The following PRKG1 variants were observed in gnomAD, a reference collection of about 807,000 sequenced individuals.
The protein encoded by PRKG1 is cGMP-dependent protein kinase 1.
In PRKG1, 35 loss-of-function variants were observed where a neutral mutation model predicts 88.1. The ratio of observed to expected loss-of-function variants is 0.40; its 90% CI spans 0.30 to 0.53. The LOEUF (loss-of-function observed/expected upper bound fraction) is 0.53, where lower values mean the gene tolerates loss of function less well. Ranked by LOEUF, PRKG1 falls within the 20% of genes least tolerant of loss-of-function variation. The pLI, the probability that PRKG1 is intolerant of heterozygous loss-of-function variation, is 0.59. For missense variants in PRKG1, 540 were observed against 839.8 expected, an observed-to-expected ratio of 0.64 and a Z score of 4.41; for synonymous variants, 303 against 292.5, an observed-to-expected ratio of 1.04 and a Z score of -0.37.
intron 2 of PRKG1, among the ~76,000 whole-genome samples, chr10:51,344,500 T>C (rs211083): frequency 0.1 from 15,439 of 152,222 alleles, 885 homozygotes; most frequent in African/African-American, 0.15. Flanking sequence ...ATTGTACTCA[T>C]ATACAAGGTA....
intron 3 of PRKG1, among the ~76,000 whole-genome samples, chr10:51,723,437 A>G (rs1842060632): frequency 6.6e-6 from 1 of 152,196 alleles, no homozygotes; most frequent in Admixed American, 6.5e-5. Context: ...GCACATGAAC[A>G]CAGGGAAGAG....
chr10:51,411,048 C>T (rs1014455012), intron 2 of PRKG1, among the ~76,000 whole-genome samples: 1 of 151,766 alleles, frequency 6.6e-6, no homozygotes, highest in Non-Finnish European at 1.5e-5. Flanking sequence ...AGGCTGAGTG[C>T]AATACAGTGG....
At chr10:51,942,787 G>A (rs1842939213) in intron 5 of PRKG1, among the ~76,000 whole-genome samples, 1 of 151,114 alleles carries the variant, frequency 6.6e-6, no homozygotes, top group African/African-American at 2.5e-5. Context: ...ATTTCTGAGG[G>A]CTCTGTTCTG....
At chr10:51,243,418 G>A (rs1384157072) in intron 2 of PRKG1, among the ~76,000 whole-genome samples, 1 of 152,180 alleles carries the variant, frequency 6.6e-6, no homozygotes, top group Non-Finnish European at 1.5e-5. Flanking sequence ...TGGTCAGGGT[G>A]TAGGATCACC....
At chr10:51,432,188 A>G (rs998284686) in intron 2 of PRKG1, among the ~76,000 whole-genome samples, 1 of 152,192 alleles carries the variant, frequency 6.6e-6, no homozygotes, top group Non-Finnish European at 1.5e-5. Flanking sequence ...TACTTATTGA[A>G]AGAGTTTTTA....
intron 7 of PRKG1, among the ~76,000 whole-genome samples, chr10:52,083,235 A>C (rs1452809725): frequency 6.6e-6 from 1 of 152,086 alleles, no homozygotes; most frequent in Non-Finnish European, 1.5e-5. Context: ...GGCCAGGTAC[A>C]ACATCGTTCT....
chr10:51,204,277 C>T (rs1191690509), intron 2 of PRKG1, among the ~76,000 whole-genome samples: 1 of 151,860 alleles, frequency 6.6e-6, no homozygotes, highest in Non-Finnish European at 1.5e-5. Flanking sequence ...TTCGGTATTT[C>T]CTGAAAATGA....
chr10:52,245,056 C>G (rs1564530512), intron 9 of PRKG1, among the ~76,000 whole-genome samples: 1 of 150,048 alleles, frequency 6.7e-6, no homozygotes, highest in Non-Finnish European at 1.5e-5. Context: ...GCAGATTAGT[C>G]AATACACTAA....
intron 3 of PRKG1, among the ~76,000 whole-genome samples, chr10:51,529,022 A>C (rs1841951168): frequency 6.6e-6 from 1 of 152,144 alleles, no homozygotes; most frequent in South Asian, 2.1e-4. Context: ...TTCAAATTCT[A>C]AGAAAATTCT....
At chr10:52,148,957 C>CTTTTTTTTTT (rs71904885) in intron 8 of PRKG1, among the ~76,000 whole-genome samples, 1 of 55,166 alleles carries the variant, frequency 1.8e-5, no homozygotes, top group Admixed American at 2.4e-4. Context: ...GATAGTTTTG[C>CTTTTTTTTTT]TTTTTTTTTT....
At position 51,196,293 on chromosome 10, in the gene PRKG1, A is replaced by G. The variant is rs559380045; in HGVS notation, c.478+42963A>G. Among the ~76,000 whole-genome samples the G allele has an allele frequency of 2.0e-5, 3 of 152,300 alleles. No individual in the cohort carries two copies. The South Asian group carries it at 6.2e-4, about 32-fold the overall frequency. On this transcript the variant is annotated intron_variant, in intron 2 of 17. Coordinates refer to ENST00000373980, the MANE Select transcript of PRKG1 (RefSeq NM_006258.4). ...TGGGGGAGAGGGAAGAATTGCATGT[A>G]TTTGAAGGCTTATATGAATTAGATT...
intron 9 of PRKG1, among the ~76,000 whole-genome samples, chr10:52,215,394 CAA>C (rs565578326): frequency 1.9e-3 from 178 of 95,808 alleles, no homozygotes; most frequent in African/African-American, 4.5e-3. Context: ...AACTCCATCT[CAA>C]AAAAAAAAAA....
intron 2 of PRKG1, among the ~76,000 whole-genome samples, chr10:51,213,163 T>C (rs541537917): frequency 2.6e-5 from 4 of 152,248 alleles, no homozygotes; most frequent in Admixed American, 2.0e-4. Flanking sequence ...ATGTCCTTTG[T>C]AGGGACATGG....
chr10:51,899,855 C>G (rs1841943022), intron 4 of PRKG1, among the ~76,000 whole-genome samples: 1 of 151,652 alleles, frequency 6.6e-6, no homozygotes, highest in African/African-American at 2.4e-5. Context: ...GGTTGCATAC[C>G]TCATGAGTGG....
chr10:51,102,990 AAG>A (rs999510829), intron 1 of PRKG1, among the ~76,000 whole-genome samples: 1 of 152,182 alleles, frequency 6.6e-6, no homozygotes, highest in Non-Finnish European at 1.5e-5. Flanking sequence ...GGATACTGGT[AAG>A]AGAGAAAGAA....
intron 2 of PRKG1, among the ~76,000 whole-genome samples, chr10:51,300,496 A>G (rs1840854624): frequency 6.6e-6 from 1 of 152,158 alleles, no homozygotes; most frequent in African/African-American, 2.4e-5. Flanking sequence ...TTCCGATTTA[A>G]ATATTATACA....
intron 4 of PRKG1, among the ~76,000 whole-genome samples, chr10:51,885,711 AT>A (rs1841550368): frequency 6.6e-6 from 1 of 152,082 alleles, no homozygotes; most frequent in Admixed American, 6.5e-5. Context: ...CTGATATCCT[AT>A]TACTTTATGC....
chr10:51,951,169 G>C (rs917013658), intron 5 of PRKG1, among the ~76,000 whole-genome samples: 1 of 152,204 alleles, frequency 6.6e-6, no homozygotes, highest in Admixed American at 6.5e-5. Flanking sequence ...CAGCCTTCAG[G>C]CTGTTTTTTT....
chr10:51,698,929 A>G, intron 3 of PRKG1: 1 of 1,614,238 alleles, frequency 6.2e-7, no homozygotes, highest in Non-Finnish European at 8.5e-7. Context: ...AGACAGACAC[A>G]GACTGAGATT....
Sources: gnomAD v4.1 joint callset for allele counts (sites outside exome capture counted in the v4.1 genomes callset) on GRCh38, gnomAD v4.1.1 for gene constraint, MANE v1.5 for transcripts, NCBI Gene and HGNC (gene_info 2026-07-23, HGNC 2026-07-21) for gene names.